Variants in PLSCR5 observed in about 807,000 individuals in gnomAD.
PLSCR5 encodes phospholipid scramblase family member 5, also known as phospholipid scramblase family, member 5.
In PLSCR5, 44 loss-of-function variants were observed where a neutral mutation model predicts 33.6. That is an observed-to-expected ratio of 1.31 (90% CI 1.03 to 1.69). The LOEUF (loss-of-function observed/expected upper bound fraction) is 1.69, where lower values mean the gene tolerates loss of function less well. Ranked by LOEUF, PLSCR5 falls within the 40% of genes most tolerant of loss-of-function variation. The pLI, the probability that PLSCR5 is intolerant of heterozygous loss-of-function variation, is 0.00. For synonymous variants in PLSCR5, 148 were observed against 112.3 expected, an observed-to-expected ratio of 1.32 and a Z score of -2.01; for missense variants, 375 against 318.7, an observed-to-expected ratio of 1.18 and a Z score of -1.34.
At chr3:146,576,630 C>G (rs1437092329) in exon 8 of PLSCR5, 1 of 152,030 alleles carries the variant, frequency 6.6e-6, no homozygotes, top group African/African-American at 2.4e-5. Flanking sequence ...CTGGTCATCT[C>G]TGATGTTATG....
intron 4 of PLSCR5, among the ~76,000 whole-genome samples, chr3:146,592,225 A>G (rs528502263): frequency 2.0e-5 from 3 of 152,180 alleles, no homozygotes; most frequent in African/African-American, 7.2e-5. Flanking sequence ...AGCTGTTCCT[A>G]TGTGGTTACT....
downstream of PLSCR5, among the ~76,000 whole-genome samples, chr3:146,581,997 A>T (rs1223388547): frequency 6.6e-6 from 1 of 152,072 alleles, no homozygotes; most frequent in Non-Finnish European, 1.5e-5. Context: ...TCCTTTTTTG[A>T]CATCTCTTTT....
chr3:146,598,959 C>A (rs1560109978), intron 2 of PLSCR5, among the ~76,000 whole-genome samples: 1 of 152,206 alleles, frequency 6.6e-6, no homozygotes, highest in Non-Finnish European at 1.5e-5. Flanking sequence ...TAACAGAAAT[C>A]TCTTGTACCT....
downstream of PLSCR5, among the ~76,000 whole-genome samples, chr3:146,582,696 T>G (rs780167822): frequency 5.9e-5 from 9 of 152,104 alleles, no homozygotes; most frequent in Non-Finnish European, 1.0e-4. Context: ...AACAAAACTG[T>G]CTCTATAAAT....
intron 4 of PLSCR5, among the ~76,000 whole-genome samples, chr3:146,592,350 T>C (rs989246836): frequency 1.3e-5 from 2 of 152,148 alleles, no homozygotes; most frequent in African/African-American, 4.8e-5. Context: ...ATTATCTATA[T>C]TTAATTAAAA....
chr3:146,590,031 C>A (rs913884510), intron 5 of PLSCR5: 1 of 354,762 alleles, frequency 2.8e-6, no homozygotes, highest in Non-Finnish European at 5.0e-6. Flanking sequence ...GTTTTCTAGT[C>A]CATCATAATT....
chr3:146,580,382 C>CTG (rs1206476994), intron 7 of PLSCR5, among the ~76,000 whole-genome samples: 20 of 149,454 alleles, frequency 1.3e-4, no homozygotes, highest in Admixed American at 1.2e-3. Context: ...TTCTTGTTTA[C>CTG]TGTACTCCAT....
intron 6 of PLSCR5, 132 bp from the exon 7 acceptor site, chr3:146,586,244 G>A: frequency 1.1e-6 from 1 of 930,380 alleles, no homozygotes; most frequent in South Asian, 2.7e-5. Flanking sequence ...TGATTTAACA[G>A]AAGAAGAAAA....
intron 6 of PLSCR5, among the ~76,000 whole-genome samples, chr3:146,587,764 A>G (rs1216957842): frequency 3.9e-5 from 6 of 152,138 alleles, no homozygotes; most frequent in African/African-American, 1.4e-4. Flanking sequence ...CTCTATAGAT[A>G]TTACTTCCAT....
intron 2 of PLSCR5, among the ~76,000 whole-genome samples, chr3:146,598,545 C>T (rs1169249754): frequency 6.6e-6 from 1 of 152,100 alleles, no homozygotes; most frequent in Non-Finnish European, 1.5e-5. Context: ...CCAATGGGCT[C>T]ATATCTCTAC....
chr3:146,603,540 C>A (rs996401747), intron 1 of PLSCR5, among the ~76,000 whole-genome samples: 4 of 152,200 alleles, frequency 2.6e-5, no homozygotes, highest in Non-Finnish European at 4.4e-5. Flanking sequence ...TATGGAACAT[C>A]ACTGCTTCCT....
At chr3:146,583,820 C>T (rs1458401456), downstream of PLSCR5, among the ~76,000 whole-genome samples, 1 of 152,124 alleles carries the variant, frequency 6.6e-6, no homozygotes, top group Non-Finnish European at 1.5e-5. Flanking sequence ...TAAAAAAAGT[C>T]TCCAAAGCAG....
intron 6 of PLSCR5, among the ~76,000 whole-genome samples, chr3:146,587,799 T>C (rs1207931720): frequency 6.6e-6 from 1 of 152,034 alleles, no homozygotes; most frequent in Non-Finnish European, 1.5e-5. Flanking sequence ...AGGAGACTGG[T>C]AAGTTAAAAT....
At chr3:146,600,500 T>G (rs1179388098) in intron 1 of PLSCR5, 37 bp from the exon 2 acceptor site, 1 of 1,502,190 alleles carries the variant, frequency 6.7e-7, no homozygotes, top group Non-Finnish European at 8.9e-7. Context: ...ATATTTAAAT[T>G]TAGGCCATTT....
Position 146,600,304 on chromosome 3 carries a change from A to G in PLSCR5, c.173T>C (p.Leu58Pro). 1 of 1,591,014 alleles carries G rather than the reference A, an allele frequency of 6.3e-7. No homozygotes were observed. The highest frequency in any genetic ancestry group is 1.7e-5 in the Admixed American group (1 of 57,912). The change falls in exon 2 of 8, where the codon CTA becomes CCA. Residue 58 changes from leucine (L) to proline (P), a missense_variant. Transcript: ENST00000443512. Reference protein sequence around the residue: ...FLPTVSLPPGLEYLSQLDLII... With the variant: ...FLPTVSLPPGPEYLSQLDLII... ...TAAAAACACCTGGCTTAAATATTCT[A>G]GACCAGGAGGGAGACTGACTGTTGG...
At chr3:146,598,193 A>G (rs899297386) in intron 2 of PLSCR5, among the ~76,000 whole-genome samples, 5 of 152,142 alleles carry the variant, frequency 3.3e-5, no homozygotes, top group African/African-American at 1.2e-4. Context: ...AGAACATATT[A>G]ATTGTATATT....
chr3:146,585,841 C>A lies in PLSCR5; in HGVS notation c.*146G>T. The A allele has an allele frequency of 3.1e-6, 1 of 327,654 alleles. No homozygotes were observed. The highest frequency in any genetic ancestry group is 5.4e-6 in the Non-Finnish European group (1 of 184,426). The allele number at this position is 327,654 out of a possible 1,614,324, so 20.3% of individuals were successfully genotyped here. ...CATGCATTCACAACTAGATAATTGC[C>A]TCATTAAACTGTTTTAATAAATATA... On this transcript the variant is annotated 3_prime_UTR_variant, in exon 8 of 8. Transcript: ENST00000443512.
intron 2 of PLSCR5, among the ~76,000 whole-genome samples, chr3:146,597,655 A>G (rs2044772992): frequency 6.6e-6 from 1 of 152,168 alleles, no homozygotes. Flanking sequence ...TATGGCCCAA[A>G]GGGGCATTTT....
intron 5 of PLSCR5, among the ~76,000 whole-genome samples, chr3:146,590,771 G>A (rs1312643295): frequency 2.6e-5 from 4 of 151,986 alleles, no homozygotes; most frequent in Non-Finnish European, 5.9e-5. Flanking sequence ...TGTATTCTAC[G>A]TGCATAGTGT....
Sources: gnomAD v4.1 joint callset for allele counts (sites outside exome capture counted in the v4.1 genomes callset) on GRCh38, gnomAD v4.1.1 for gene constraint, MANE v1.5 for transcripts, NCBI Gene and HGNC (gene_info 2026-07-23, HGNC 2026-07-21) for gene names.